Variants in SHLD2 observed in about 807,000 individuals in gnomAD.
The protein encoded by SHLD2 is RINN1-REV7-interacting novel NHEJ regulator 2.
SHLD2 carries 30 observed loss-of-function variants against 73.2 expected under a neutral mutation model. The observed-to-expected ratio is 0.41, with a 90% CI of 0.31 to 0.56. The LOEUF (loss-of-function observed/expected upper bound fraction) is 0.56, where lower values mean the gene tolerates loss of function less well. Ranked by LOEUF, SHLD2 falls within the 20% of genes least tolerant of loss-of-function variation. SHLD2 has a pLI of 0.28. For missense variants in SHLD2, 745 were observed against 1,055.9 expected, an observed-to-expected ratio of 0.71 and a Z score of 4.08; for synonymous variants, 285 against 370.1, an observed-to-expected ratio of 0.77 and a Z score of 2.64.
At chr10:87,145,132 G>A (rs1444607049) in intron 2 of SHLD2, among the ~76,000 whole-genome samples, 2 of 151,152 alleles carry the variant, frequency 1.3e-5, no homozygotes, top group East Asian at 1.9e-4. Flanking sequence ...TAGTGGAGAC[G>A]GGGTTTCACC....
chr10:87,115,292 C>T (rs1236351881), intron 2 of SHLD2: 1 of 152,222 alleles, frequency 6.6e-6, no homozygotes, highest in East Asian at 1.9e-4. Flanking sequence ...CTTAGGTGAT[C>T]CTCCTGCCTC....
intron 4 of SHLD2, among the ~76,000 whole-genome samples, chr10:87,161,582 A>G (rs1281644965): frequency 6.6e-6 from 1 of 152,240 alleles, no homozygotes; most frequent in Non-Finnish European, 1.5e-5. Flanking sequence ...TGCAAAGCCT[A>G]TATGAGGAAA....
rs747247757 is a variant in SHLD2, at chr10:87,180,189, A to G, written c.2285A>G (p.Asn762Ser). The change falls in exon 8 of 10, where the codon AAC becomes AGC. Residue 762 changes from asparagine to serine, a missense_variant. Around this residue, in one of 5 missense-constraint regions of SHLD2, gnomAD observed 418 missense variants for 567.8 expected, o/e 0.74. Transcript: ENST00000298786. ...SLKSIFSSLP[N>S]IVYTGCAKCG... ...AAGAGTATTTTTTCTTCTCTTCCCA[A>G]CATCGTATATACTGGTTGTGCAAAA... The G allele has an allele frequency of 6.2e-7, 1 of 1,613,484 alleles. No individual in the cohort carries two copies. Among genetic ancestry groups the G allele is most frequent in the Non-Finnish European group, 8.5e-7 (1 of 1,179,492 alleles).
chr10:87,162,148 AATC>A (rs1846864469), intron 4 of SHLD2, among the ~76,000 whole-genome samples: 1 of 152,326 alleles, frequency 6.6e-6, no homozygotes, highest in East Asian at 1.9e-4. Flanking sequence ...TAAAAAATAA[AATC>A]ATGCAACAAC....
intron 2 of SHLD2, among the ~76,000 whole-genome samples, chr10:87,103,134 C>T (rs949279251): frequency 2.2e-4 from 33 of 151,050 alleles, no homozygotes; most frequent in African/African-American, 6.8e-4. Flanking sequence ...CACTTGAACC[C>T]GGGAGGCAGA....
Position 87,175,986 on chromosome 10 carries a change from G to A in SHLD2, c.2061G>A (p.Leu687=), listed in dbSNP as rs764808936. 1.5e-5 allele frequency: 23 copies of A among 1,549,944 alleles called. No homozygotes were observed. Among genetic ancestry groups the A allele is most frequent in the Middle Eastern group, 3.6e-4 (2 of 5,558 alleles). The change falls in exon 7 of 10, where the codon TTG becomes TTA. Residue 687 remains leucine (L), a synonymous_variant. Coordinates refer to ENST00000298786, the MANE Select transcript of SHLD2 (RefSeq NM_001330112.2). The part of the protein sequence containing the change: ...HTTPWSSCEC[L]FDDDIRAITF... ...CGCCTTGGTCATCCTGTGAGTGCTTGTTTGATGATGATATAAGGGCAATTA... is the reference window on the plus strand; with the variant it reads ...CGCCTTGGTCATCCTGTGAGTGCTTATTTGATGATGATATAAGGGCAATTA...
intron 2 of SHLD2, among the ~76,000 whole-genome samples, chr10:87,114,938 G>C (rs1461476138): frequency 6.6e-6 from 1 of 152,240 alleles, no homozygotes; most frequent in Non-Finnish European, 1.5e-5. Flanking sequence ...AAGAGACTTA[G>C]TGGGAAACAT....
At chr10:87,094,996 C>T, upstream of SHLD2, 1 of 166,698 alleles carries the variant, frequency 6.0e-6, no homozygotes, top group Non-Finnish European at 1.3e-5. The surrounding 1 kb of genome is among the most constrained non-coding windows in gnomAD (Gnocchi z 6.6). Flanking sequence ...CCGCGGCCTC[C>T]CCGGGCCTCG....
At position 87,117,801 on chromosome 10, in the gene SHLD2, C is replaced by A. The variant is rs561191356; in HGVS notation, c.-6+20812C>A. 2.0e-5 allele frequency among the ~76,000 whole-genome samples: 3 copies of A among 152,256 alleles called. No individual in the cohort carries two copies. In the East Asian group the frequency reaches 5.8e-4, roughly 29 times the overall value. On this transcript the variant is annotated intron_variant, in intron 2 of 9. Transcript: ENST00000298786. ...CAGAGGGAAACCCTGTCTCAAAAAA[C>A]CCCAAAAAACAAAAAACAGCATTTT... is the stretch of plus-strand genomic sequence containing the variant.
rs145061871 is a variant in SHLD2 at position 87,186,441 on chromosome 10, A to G, written c.2400-644A>G. Among the ~76,000 whole-genome samples the G allele has an allele frequency of 6.6e-5, 10 of 152,342 alleles. No individual in the cohort carries two copies. The East Asian group carries it at 1.9e-3, about 29-fold the overall frequency. On this transcript the variant is annotated intron_variant, in intron 8 of 9. Transcript: ENST00000298786. ...CTTCACCATCCAACCCTCTCTCACC[A>G]GTGCTGCTTCCATTGCTGGTGAGAA... is the stretch of plus-strand genomic sequence containing the variant.
chr10:87,152,483 A>G lies in SHLD2; in HGVS notation c.1129A>G (p.Lys377Glu). Residue 377 changes from lysine (K) to glutamate (E), a missense_variant, in exon 3 of 10, where the codon AAA (lysine) becomes GAA (glutamate). By Grantham distance (56) the Lys-to-Glu change is moderately conservative. This residue lies in a region of SHLD2 where 20 missense variants were observed against 26.9 expected (regional missense o/e 0.74). Transcript: ENST00000298786. Reference sequence around the variant, plus strand: ...AAATACCTTCCACAAAAGTGCTATTAAAAGAAGCTGTACCTCTGAAGATAA... The same window carrying G: ...AAATACCTTCCACAAAAGTGCTATTGAAAGAAGCTGTACCTCTGAAGATAA... ...QLNTFHKSAI[K>E]RSCTSEDKVG... 2 of 1,611,882 alleles carry G rather than the reference A, an allele frequency of 1.2e-6. No homozygotes were observed. Among genetic ancestry groups the G allele is most frequent in the East Asian group, 2.2e-5 (1 of 44,864 alleles).
chr10:87,112,714 CA>C (rs150119136), intron 2 of SHLD2, among the ~76,000 whole-genome samples: 19,003 of 133,856 alleles, frequency 0.14, 2,050 homozygotes, highest in East Asian at 0.63. Context: ...ACTTAAATCT[CA>C]AAAAAAAAAA....
At chr10:87,183,268 C>T (rs1326962532) in intron 8 of SHLD2, among the ~76,000 whole-genome samples, 4 of 152,088 alleles carry the variant, frequency 2.6e-5, no homozygotes, top group African/African-American at 7.2e-5. Context: ...AAACAAGTAA[C>T]CTTGGGAGAA....
At chr10:87,104,146 A>C (rs1413987242) in intron 2 of SHLD2, among the ~76,000 whole-genome samples, 6 of 151,416 alleles carry the variant, frequency 4.0e-5, no homozygotes. Flanking sequence ...CTGAGACAGG[A>C]GACTCGCTTG....
chr10:87,161,378 G>A (rs1401594606), intron 4 of SHLD2, among the ~76,000 whole-genome samples: 2 of 152,146 alleles, frequency 1.3e-5, no homozygotes, highest in African/African-American at 4.8e-5. Context: ...GCTGGGGGAT[G>A]AGGTTGCAGT....
chr10:87,117,459 T>C (rs549421078), intron 2 of SHLD2, among the ~76,000 whole-genome samples: 1 of 151,924 alleles, frequency 6.6e-6, no homozygotes, highest in Admixed American at 6.6e-5. Flanking sequence ...TGGTAGCAGA[T>C]AAGAGATAAG....
intron 2 of SHLD2, among the ~76,000 whole-genome samples, chr10:87,130,361 G>T (rs1844340707): frequency 1.4e-5 from 2 of 145,256 alleles, no homozygotes; most frequent in African/African-American, 2.5e-5. Flanking sequence ...GGGAAGTAGG[G>T]CAGTGAGGAT....
chr10:87,152,557 A>G lies in SHLD2; in HGVS notation c.1203A>G (p.Lys401=). ...CTAGAGTCCTTCAAGTAGCTAAGAAAATGAAGTTGATTTCTAATGGAGGAG... is the reference window on the plus strand; with the variant it reads ...CTAGAGTCCTTCAAGTAGCTAAGAAGATGAAGTTGATTTCTAATGGAGGAG... ...ALSRVLQVAK[K]MKLISNGGDS... The change falls in exon 3 of 10, where the codon AAA becomes AAG. Residue 401 remains lysine (K), a synonymous_variant. Coordinates refer to ENST00000298786, the MANE Select transcript of SHLD2 (RefSeq NM_001330112.2). The G allele has an allele frequency of 6.2e-7, 1 of 1,611,654 alleles. No individual in the cohort carries two copies. The highest frequency in any genetic ancestry group is 8.5e-7 in the Non-Finnish European group (1 of 1,179,798).
rs745535827 is a variant in SHLD2, at chr10:87,152,025, C to A, written c.671C>A (p.Ser224Tyr). ...FSSNAVDKSR[S>Y]EAAVRKVSDL... ...TCGAACGCAGTAGATAAGTCAAGGTCTGAAGCAGCAGTTAGGAAGGTCTCA... is the reference window on the plus strand; with the variant it reads ...TCGAACGCAGTAGATAAGTCAAGGTATGAAGCAGCAGTTAGGAAGGTCTCA... Residue 224 changes from serine (S) to tyrosine (Y), a missense_variant, in exon 3 of 10, where the codon TCT becomes TAT. Physicochemically the swap from Ser to Tyr is moderately radical, Grantham distance 144. Coordinates refer to ENST00000298786, the MANE Select transcript of SHLD2 (RefSeq NM_001330112.2). 3 of 1,611,870 alleles carry A rather than the reference C, an allele frequency of 1.9e-6. No individual in the cohort carries two copies. The South Asian group carries it at 3.3e-5, about 18-fold the overall frequency.
Sources: allele counts gnomAD v4.1 joint callset (sites outside exome capture counted in the v4.1 genomes callset), GRCh38; gene constraint gnomAD v4.1.1; regional missense constraint gnomAD v4.1.1; non-coding constraint Gnocchi (gnomAD v3.1); transcripts MANE v1.5; gene names NCBI Gene and HGNC (gene_info 2026-07-23, HGNC 2026-07-21).